COLGALT2: variants seen among roughly 807,000 people sequenced by gnomAD.
The protein encoded by COLGALT2 is procollagen galactosyltransferase 2.
A neutral mutation model predicts 73.4 loss-of-function variants in COLGALT2; 49 were observed. That is an observed-to-expected ratio of 0.67 (90% confidence interval 0.53 to 0.85). The LOEUF (loss-of-function observed/expected upper bound fraction) is 0.85, where lower values mean the gene tolerates loss of function less well. COLGALT2 is among the 40% of genes least tolerant of loss of function. The pLI is 0.00. For synonymous variants in COLGALT2, 295 were observed against 307.6 expected, an observed-to-expected ratio of 0.96 and a Z score of 0.43; for missense variants, 722 against 790.2, an observed-to-expected ratio of 0.91 and a Z score of 1.03.
At chr1:183,946,546 A>G (rs1394461118) in intron 8 of COLGALT2, 1 of 152,234 alleles carries the variant, frequency 6.6e-6, no homozygotes, top group East Asian at 1.9e-4. Flanking sequence ...AATTAATACA[A>G]CCATGTGGTA....
intron 1 of COLGALT2, among the ~76,000 whole-genome samples, chr1:183,997,912 C>T (rs1671812916): frequency 6.6e-6 from 1 of 152,186 alleles, no homozygotes. Flanking sequence ...ATCTATTTGA[C>T]TGTCAGTGGA....
intron 1 of COLGALT2, among the ~76,000 whole-genome samples, chr1:184,005,393 T>C (rs1307072789): frequency 6.6e-6 from 1 of 152,222 alleles, no homozygotes; most frequent in Admixed American, 6.5e-5. Flanking sequence ...CTTGCCATAG[T>C]ACTTCTTTGC....
rs764486932 is a variant in COLGALT2 at position 183,940,599 on chromosome 1, A to G, written c.1586T>C (p.Met529Thr). ...MLPVDEFLPV[M>T]YNKHPVAEYK... ...GACTCACACGGGATGCTTGTTGTAC[A>G]TGACTGGCAGAAACTCATCCACTGG... The change falls in exon 11 of 12, where the codon ATG (methionine) becomes ACG (threonine). Residue 529 changes from methionine (M) to threonine (T), a missense_variant. Physicochemically the swap from Met to Thr is moderately conservative, Grantham distance 81 (BLOSUM62 -1). Coordinates refer to ENST00000361927, the MANE Select transcript of COLGALT2 (RefSeq NM_015101.4). The G allele has an allele frequency of 4.3e-6, 7 of 1,614,218 alleles. No homozygotes were observed. Among genetic ancestry groups the G allele is most frequent in the Non-Finnish European group, 5.9e-6 (7 of 1,180,036 alleles).
At chr1:183,934,755 G>A (rs557011766), downstream of COLGALT2, among the ~76,000 whole-genome samples, 1 of 152,152 alleles carries the variant, frequency 6.6e-6, no homozygotes, top group African/African-American at 2.4e-5. Flanking sequence ...GGAGGGATTT[G>A]CTCCAATCAT....
intron 1 of COLGALT2, among the ~76,000 whole-genome samples, chr1:184,033,251 A>G (rs74606672): frequency 1.3e-5 from 2 of 152,164 alleles, no homozygotes; most frequent in Non-Finnish European, 2.9e-5. Flanking sequence ...CCCTAATCAT[A>G]GGTTTAAGGA....
chr1:183,951,032 T>C lies in COLGALT2; in HGVS notation c.1111A>G (p.Lys371Glu), dbSNP rs1315100418. ...RTLYEQEIEV[K>E]IVEAVDGKAL... Reference sequence around the variant, plus strand: ...TTTCCATCCACAGCCTCGACAATCTTGACCTCAATCTCCTGTTCATACAGT... The same window carrying C: ...TTTCCATCCACAGCCTCGACAATCTCGACCTCAATCTCCTGTTCATACAGT... Residue 371 changes from lysine (K) to glutamate (E), a missense_variant, in exon 8 of 12, where the codon AAG (lysine) becomes GAG (glutamate). Lys to Glu is a moderately conservative substitution (Grantham distance 56). Transcript: ENST00000361927. 6.2e-7 allele frequency: 1 copy of C among 1,613,712 alleles called. No homozygotes were observed. The highest frequency in any genetic ancestry group is 2.2e-5 in the East Asian group (1 of 44,888).
chr1:183,935,924 G>T lies in COLGALT2; in HGVS notation c.*2837C>A. On this transcript the variant is annotated 3_prime_UTR_variant, in exon 12 of 12. Transcript: ENST00000361927. ...CCACTCTGAAATAGCACGCAAGACAGATGATGCAGGGGAACGGGTGTCCAC... is the reference window on the plus strand; with the variant it reads ...CCACTCTGAAATAGCACGCAAGACATATGATGCAGGGGAACGGGTGTCCAC... 1.0e-6 allele frequency: 1 copy of T among 985,458 alleles called. No individual in the cohort carries two copies. The highest frequency in any genetic ancestry group is 4.7e-5 in the South Asian group (1 of 21,286). The allele number at this position is 985,458 out of a possible 1,614,324, so 61.0% of individuals were successfully genotyped here.
chr1:184,026,607 T>TA (rs1342509607), intron 1 of COLGALT2, among the ~76,000 whole-genome samples: 1 of 152,200 alleles, frequency 6.6e-6, no homozygotes, highest in Non-Finnish European at 1.5e-5. Flanking sequence ...AGTTCATAGC[T>TA]AGTGAAGACA....
intron 6 of COLGALT2, among the ~76,000 whole-genome samples, chr1:183,955,605 T>C (rs1462064977): frequency 1.3e-5 from 2 of 152,198 alleles, no homozygotes; most frequent in Non-Finnish European, 2.9e-5. Flanking sequence ...TTGCAAACTA[T>C]GTATTTTAAA....
chr1:184,000,825 A>ATTT (rs149091262), intron 1 of COLGALT2, among the ~76,000 whole-genome samples: 116 of 113,214 alleles, frequency 1.0e-3, no homozygotes, highest in African/African-American at 3.3e-3. Flanking sequence ...TCAGCCCCCC[A>ATTT]TTTTTTTTTT....
At chr1:183,934,271 A>G (rs1669903617), downstream of COLGALT2, among the ~76,000 whole-genome samples, 1 of 152,336 alleles carries the variant, frequency 6.6e-6, no homozygotes, top group Admixed American at 6.5e-5. Context: ...ATGTACTAAA[A>G]TCTACCATCA....
At chr1:184,015,659 C>A (rs2102850928) in intron 1 of COLGALT2, among the ~76,000 whole-genome samples, 1 of 152,342 alleles carries the variant, frequency 6.6e-6, no homozygotes, top group East Asian at 1.9e-4. Flanking sequence ...CGCAACAGAT[C>A]CCTGGCCCTC....
At chr1:183,940,941 C>T (rs925851784) in intron 10 of COLGALT2, among the ~76,000 whole-genome samples, 154 bp from the exon 11 acceptor site, 5 of 152,164 alleles carry the variant, frequency 3.3e-5, no homozygotes, top group African/African-American at 9.7e-5. Context: ...TGGATCCAAT[C>T]GCCAGTCAGG....
At chr1:184,016,446 C>A (rs1452320208) in intron 1 of COLGALT2, among the ~76,000 whole-genome samples, 2 of 152,144 alleles carry the variant, frequency 1.3e-5, no homozygotes, top group African/African-American at 4.8e-5. Context: ...TCAGAAAGCA[C>A]TAACATAGAA....
At position 183,978,496 on chromosome 1, in the gene COLGALT2, A is replaced by G. The variant is rs1671266273; in HGVS notation, c.288T>C (p.Asp96=). The change falls in exon 2 of 12, where the codon GAT becomes GAC. Residue 96 remains aspartate (D), a synonymous_variant. Coordinates refer to ENST00000361927, the MANE Select transcript of COLGALT2 (RefSeq NM_015101.4). ...ACTCCCTGAATATTTCTGTTGTATT[A>G]TCCACATTGTGATCAGTGGCTGCCC... ...AIWAATDHNV[D]NTTEIFREWL... is the part of the protein sequence containing the mutation. The G allele has an allele frequency of 6.2e-7, 1 of 1,609,586 alleles. No individual in the cohort carries two copies. The highest frequency in any genetic ancestry group is 1.3e-5 in the African/African-American group (1 of 74,930).
intron 1 of COLGALT2, among the ~76,000 whole-genome samples, chr1:184,021,530 C>T (rs768798953): frequency 2.6e-5 from 4 of 152,144 alleles, no homozygotes; most frequent in Non-Finnish European, 4.4e-5. Context: ...TGCCCTACCA[C>T]CATAGAATGA....
At chr1:183,932,998 T>C (rs1300160700), downstream of COLGALT2, among the ~76,000 whole-genome samples, 1 of 152,198 alleles carries the variant, frequency 6.6e-6, no homozygotes, top group Non-Finnish European at 1.5e-5. Flanking sequence ...TGGAGATGCT[T>C]GATTGTGAGT....
intron 1 of COLGALT2, among the ~76,000 whole-genome samples, chr1:183,999,183 T>C (rs185762686): frequency 1.3e-5 from 2 of 152,256 alleles, no homozygotes; most frequent in African/African-American, 4.8e-5. Flanking sequence ...TTTCGAATGA[T>C]TGCTGAAATA....
rs199853407 is a variant in COLGALT2, at chr1:183,938,227, A to G, written c.*534T>C. 1.4e-5 allele frequency: 14 copies of G among 984,806 alleles called. No homozygotes were observed. In the East Asian group the frequency reaches 3.4e-4, roughly 24 times the overall value. 61.0% of individuals were successfully genotyped at this position (984,806 alleles called of 1,614,324 possible). Reference sequence around the variant, plus strand: ...TTTTTTTTAAAAAATCTACTTTTCAATAAGACTTGTGACAGAATCCTTTAA... The same window carrying G: ...TTTTTTTTAAAAAATCTACTTTTCAGTAAGACTTGTGACAGAATCCTTTAA... On this transcript the variant is annotated 3_prime_UTR_variant, in exon 12 of 12. Coordinates refer to ENST00000361927, the MANE Select transcript of COLGALT2 (RefSeq NM_015101.4).
Sources: gnomAD v4.1 joint callset for allele counts (sites outside exome capture counted in the v4.1 genomes callset) on GRCh38, gnomAD v4.1.1 for gene constraint, MANE v1.5 for transcripts, NCBI Gene and HGNC (gene_info 2026-07-23, HGNC 2026-07-21) for gene names.